CYP4Z1: variants seen among roughly 807,000 people sequenced by gnomAD.
CYP4Z1 encodes cytochrome P450 family 4 subfamily Z member 1, also known as cytochrome P450 4Z1.
In CYP4Z1, 41 loss-of-function variants were observed where a neutral mutation model predicts 54.2. The ratio of observed to expected loss-of-function variants is 0.76; its 90% CI spans 0.59 to 0.98. The LOEUF (loss-of-function observed/expected upper bound fraction) is 0.98. Ranked by LOEUF, CYP4Z1 falls within the 50% of genes least tolerant of loss-of-function variation. CYP4Z1 has a pLI of 0.00. For synonymous variants in CYP4Z1, 163 were observed against 206.2 expected, an observed-to-expected ratio of 0.79 and a Z score of 1.79; for missense variants, 513 against 599.0, an observed-to-expected ratio of 0.86 and a Z score of 1.50.
chr1:47,063,278 C>G (rs1473454972), upstream of CYP4Z1, among the ~76,000 whole-genome samples: 1 of 151,928 alleles, frequency 6.6e-6, no homozygotes, highest in Non-Finnish European at 1.5e-5. Context: ...CATAGTCTAT[C>G]AAAATAAGAA....
chr1:47,115,233 G>A (rs1644821137), intron 9 of CYP4Z1, among the ~76,000 whole-genome samples: 1 of 152,098 alleles, frequency 6.6e-6, no homozygotes, highest in Non-Finnish European at 1.5e-5. Context: ...ACTCATAGGT[G>A]GGAATTGAGC....
upstream of CYP4Z1, among the ~76,000 whole-genome samples, chr1:47,066,259 T>C (rs770091560): frequency 3.7e-4 from 57 of 152,248 alleles, no homozygotes; most frequent in Non-Finnish European, 8.1e-4. Flanking sequence ...ACATCTTTGA[T>C]GAACATAGAT....
chr1:47,116,599 T>C (rs1644831678), intron 10 of CYP4Z1, 51 bp from the exon 11 acceptor site: 2 of 1,226,120 alleles, frequency 1.6e-6, no homozygotes, highest in Non-Finnish European at 2.3e-6. Context: ...TTTTGTTTTT[T>C]GTGGGGGTGG....
the CYP4Z1 span, among the ~76,000 whole-genome samples, chr1:47,058,285 A>G: frequency 1.3e-5 from 2 of 151,984 alleles, no homozygotes; most frequent in Non-Finnish European, 2.9e-5. Context: ...TATAATTATA[A>G]TTTTTCACTT....
the CYP4Z1 span, among the ~76,000 whole-genome samples, chr1:47,056,517 G>T: frequency 2.0e-5 from 3 of 152,098 alleles, no homozygotes; most frequent in Non-Finnish European, 4.4e-5. Flanking sequence ...GTTGACAGTG[G>T]GGTGTTAAAT....
the CYP4Z1 span, among the ~76,000 whole-genome samples, chr1:47,057,335 A>AAAAAAAATATAT: frequency 2.1e-3 from 61 of 28,446 alleles, 2 homozygotes; most frequent in Non-Finnish European, 3.7e-3. Context: ...AAGAAAAAAA[A>AAAAAAAATATAT]ATATATATAT....
chr1:47,103,595 C>CTTTTTTTTTTTTTTTTTTTTTTTTTTTTT, intron 8 of CYP4Z1, among the ~76,000 whole-genome samples: 1 of 96,038 alleles, frequency 1.0e-5, no homozygotes, highest in Non-Finnish European at 2.0e-5. Context: ...TCTTTTTTTT[C>CTTTTTTTTTTTTTTTTTTTTTTTTTTTTT]TTTTTTTTTT....
Position 47,099,297 on chromosome 1 carries a change from T to C in CYP4Z1, c.1067+13T>C. On this transcript the variant is annotated intron_variant, in intron 8 of 11. Transcript: ENST00000334194. ...CTTCTATTACCTGGTAAGACCTGTATTCCTATTTCATCCTGAATTTTCCCC... is the reference window on the plus strand; with the variant it reads ...CTTCTATTACCTGGTAAGACCTGTACTCCTATTTCATCCTGAATTTTCCCC... The C allele has an allele frequency of 6.4e-7, 1 of 1,569,856 alleles. No homozygotes were observed. The highest frequency in any genetic ancestry group is 1.2e-5 in the South Asian group (1 of 84,502).
chr1:47,112,872 A>T (rs1366041499), intron 9 of CYP4Z1, among the ~76,000 whole-genome samples: 1 of 152,174 alleles, frequency 6.6e-6, no homozygotes, highest in South Asian at 2.1e-4. Flanking sequence ...AACCCATATC[A>T]TCTCCACCCT....
At chr1:47,072,687 A>T (rs1644490761) in intron 2 of CYP4Z1, among the ~76,000 whole-genome samples, 1 of 121,754 alleles carries the variant, frequency 8.2e-6, no homozygotes, top group Non-Finnish European at 1.7e-5. Context: ...GTGGGCCTGA[A>T]TGGATTTAGA....
At chr1:47,082,807 C>T (rs1054212715) in intron 4 of CYP4Z1, among the ~76,000 whole-genome samples, 14 of 149,206 alleles carry the variant, frequency 9.4e-5, no homozygotes, top group African/African-American at 3.2e-4. Flanking sequence ...TTCAGGAGGT[C>T]GAGTCAGGAA....
intron 9 of CYP4Z1, among the ~76,000 whole-genome samples, chr1:47,107,200 GC>G (rs1358904193): frequency 1.3e-5 from 2 of 152,042 alleles, no homozygotes; most frequent in African/African-American, 2.4e-5. Context: ...CCATCCTCCT[GC>G]CCCCCAGTTC....
chr1:47,102,558 CTCCT>C (rs1644729006), intron 8 of CYP4Z1, among the ~76,000 whole-genome samples: 1 of 152,170 alleles, frequency 6.6e-6, no homozygotes. Flanking sequence ...CTGCTTGTTT[CTCCT>C]TCATTTATGA....
At position 47,088,114 on chromosome 1, in the gene CYP4Z1, T is replaced by A. The variant is rs1331636684; in HGVS notation, c.772+3136T>A. ...CCGTTTGCCAGTATTTTATTAAGGA[T>A]TTTTGCATCAATGTTCATCAGGGAT... On this transcript the variant is annotated intron_variant, in intron 6 of 11. Coordinates refer to ENST00000334194, the MANE Select transcript of CYP4Z1 (RefSeq NM_178134.3). Among the ~76,000 whole-genome samples the A allele has an allele frequency of 2.6e-5, 4 of 152,192 alleles. No individual in the cohort carries two copies. The East Asian group carries it at 5.8e-4, about 22-fold the overall frequency.
At chr1:47,082,594 A>G in intron 4 of CYP4Z1, 133 bp downstream of exon 4, 2 of 1,309,230 alleles carry the variant, frequency 1.5e-6, no homozygotes, top group Non-Finnish European at 2.1e-6. Flanking sequence ...TGTTTAGACC[A>G]TGACCATCAT....
At chr1:47,106,861 C>T (rs1382005801) in intron 9 of CYP4Z1, among the ~76,000 whole-genome samples, 1 of 152,200 alleles carries the variant, frequency 6.6e-6, no homozygotes. Flanking sequence ...AAGATTAATA[C>T]ATTGGTGGAA....
intron 8 of CYP4Z1, among the ~76,000 whole-genome samples, chr1:47,101,375 TAGG>T (rs780318697): frequency 4.5e-4 from 68 of 152,296 alleles, no homozygotes; most frequent in Non-Finnish European, 1.6e-4. Context: ...GTTTTTGCTG[TAGG>T]CACTTATTAC....
the CYP4Z1 span, among the ~76,000 whole-genome samples, chr1:47,060,793 C>T: frequency 6.6e-6 from 1 of 152,128 alleles, no homozygotes; most frequent in Non-Finnish European, 1.5e-5. Context: ...AAATCAGCCA[C>T]ATAATAGAAC....
intron 6 of CYP4Z1, among the ~76,000 whole-genome samples, chr1:47,092,787 C>T (rs564156130): frequency 1.3e-5 from 2 of 151,160 alleles, no homozygotes; most frequent in East Asian, 3.9e-4. Flanking sequence ...TTAGGAACAG[C>T]ATAACATCCC....
Sources: allele counts gnomAD v4.1 joint callset (sites outside exome capture counted in the v4.1 genomes callset), GRCh38; gene constraint gnomAD v4.1.1; transcripts MANE v1.5; gene names NCBI Gene and HGNC (gene_info 2026-07-23, HGNC 2026-07-21).